Variants in PRKCH observed in about 807,000 individuals in gnomAD.
The protein encoded by PRKCH is protein kinase C eta type.
Under a neutral mutation model 82.5 loss-of-function variants are expected in PRKCH, and 28 were observed. The ratio of observed to expected loss-of-function variants is 0.34; its 90% confidence interval spans 0.25 to 0.47. The LOEUF (loss-of-function observed/expected upper bound fraction) is 0.47. PRKCH is among the 20% of genes least tolerant of loss of function. The pLI, the probability that PRKCH is intolerant of heterozygous loss-of-function variation, is 1.00. For missense variants in PRKCH, 705 were observed against 881.8 expected, an observed-to-expected ratio of 0.80 and a Z score of 2.54; for synonymous variants, 322 against 327.4, an observed-to-expected ratio of 0.98 and a Z score of 0.18.
rs1306818235 is a variant in PRKCH at position 61,187,951 on chromosome 14, A to G, written c.-19+283A>G. Among the ~76,000 whole-genome samples, 6 of 152,176 alleles carry G rather than the reference A, an allele frequency of 3.9e-5. No individual in the cohort carries two copies. In the East Asian group the frequency reaches 1.2e-3, roughly 29 times the overall value. On this transcript the variant is annotated intron_variant, in intron 1 of 3. Coordinates refer to the PRKCH transcript ENST00000555185. ...ACTTAATAAATTATCCAATCAGTTC[A>G]TGAATACTACAAACTAAAAACAGGG...
At chr14:61,398,221 C>T (rs1261706765) in intron 2 of PRKCH, among the ~76,000 whole-genome samples, 1 of 152,142 alleles carries the variant, frequency 6.6e-6, no homozygotes, top group Non-Finnish European at 1.5e-5. Context: ...TTTAATGCAG[C>T]CTTCAGATTC....
chr14:61,317,582 G>A (rs972276478), upstream of PRKCH, among the ~76,000 whole-genome samples: 2 of 152,146 alleles, frequency 1.3e-5, no homozygotes, highest in Non-Finnish European at 2.9e-5. Flanking sequence ...CCCATGTGGC[G>A]TTCTTTAGTC....
At chr14:61,315,936 T>G (rs944576014) in intron 1 of PRKCH, among the ~76,000 whole-genome samples, 8 of 151,898 alleles carry the variant, frequency 5.3e-5, no homozygotes, top group African/African-American at 1.9e-4. Context: ...TTAGTAGAGA[T>G]GGGGTTTCAT....
Position 61,453,315 on chromosome 14 carries a change from G to C in PRKCH, c.922G>C (p.Gly308Arg). The change falls in exon 7 of 14, where the codon GGG (glycine) becomes CGG (arginine). Residue 308 changes from glycine (G) to arginine (R), a missense_variant. By Grantham distance (125) the Gly-to-Arg change is moderately radical. This residue lies in a region of PRKCH where 238 missense variants were observed against 258.1 expected (regional missense o/e 0.92). Coordinates refer to ENST00000332981, the MANE Select transcript of PRKCH (RefSeq NM_006255.5). ...NAVELAKTLA[G>R]MGLQPGNISP... ...GGTGGAACTTGCCAAGACCCTGGCA[G>C]GGATGGGTCTCCAACCCGGAAATAT... is the stretch of plus-strand genomic sequence containing the variant. 6.2e-7 allele frequency: 1 copy of C among 1,614,064 alleles called. No individual in the cohort carries two copies. Among genetic ancestry groups the C allele is most frequent in the Admixed American group, 1.7e-5 (1 of 60,016 alleles).
chr14:61,239,800 A>G (rs1262372587), intron 1 of PRKCH, among the ~76,000 whole-genome samples: 4 of 152,170 alleles, frequency 2.6e-5, no homozygotes, highest in Non-Finnish European at 5.9e-5. Context: ...TAGTCCTGGC[A>G]TAATTTTTTC....
At chr14:61,318,051 C>G (rs1223087126), upstream of PRKCH, among the ~76,000 whole-genome samples, 1 of 150,896 alleles carries the variant, frequency 6.6e-6, no homozygotes, top group Admixed American at 6.6e-5. Context: ...AACTCTTTAT[C>G]CCTGCCCCAA....
At chr14:61,198,986 G>A (rs548097206) in intron 1 of PRKCH, among the ~76,000 whole-genome samples, 22 of 152,140 alleles carry the variant, frequency 1.4e-4, no homozygotes, top group Non-Finnish European at 2.9e-4. Flanking sequence ...CAAGGCTGAG[G>A]GATGGGGGAA....
At chr14:61,284,445 C>A (rs1048922528) in intron 1 of PRKCH, among the ~76,000 whole-genome samples, 5 of 151,952 alleles carry the variant, frequency 3.3e-5, no homozygotes, top group African/African-American at 9.7e-5. Flanking sequence ...TGGCAGGTGC[C>A]GTGAAAGCTG....
At chr14:61,488,322 GTCAA>G (rs894467352) in intron 10 of PRKCH, among the ~76,000 whole-genome samples, 12 of 152,274 alleles carry the variant, frequency 7.9e-5, no homozygotes, top group Middle Eastern at 3.4e-3. Context: ...GACCCTGAGT[GTCAA>G]TCAATCAATA....
chr14:61,318,702 C>T (rs1290097757), upstream of PRKCH, among the ~76,000 whole-genome samples: 1 of 151,944 alleles, frequency 6.6e-6, no homozygotes, highest in Non-Finnish European at 1.5e-5. Context: ...GAGTCCTGGC[C>T]ACCATCTTCT....
intron 1 of PRKCH, among the ~76,000 whole-genome samples, chr14:61,251,698 C>T (rs1177152214): frequency 2.6e-5 from 4 of 152,190 alleles, no homozygotes; most frequent in African/African-American, 9.7e-5. Flanking sequence ...TACTGATTTC[C>T]TTTCCTTTGG....
intron 1 of PRKCH, among the ~76,000 whole-genome samples, chr14:61,272,827 A>G (rs2045170026): frequency 6.6e-6 from 1 of 152,176 alleles, no homozygotes; most frequent in South Asian, 2.1e-4. Flanking sequence ...CTTTGCTTTC[A>G]ACTATCAGAG....
intron 1 of PRKCH, among the ~76,000 whole-genome samples, chr14:61,383,521 A>C (rs2140189011): frequency 6.6e-6 from 1 of 152,264 alleles, no homozygotes; most frequent in African/African-American, 2.4e-5. Flanking sequence ...CGGAGGGATC[A>C]ATGTGAATAT....
chr14:61,196,463 C>A (rs1050378822), intron 1 of PRKCH, among the ~76,000 whole-genome samples: 2 of 152,156 alleles, frequency 1.3e-5, no homozygotes, highest in South Asian at 2.1e-4. Context: ...CAGCTCTCAT[C>A]TGAAGACGGC....
At chr14:61,192,451 G>A (rs1335931235) in intron 1 of PRKCH, among the ~76,000 whole-genome samples, 2 of 152,200 alleles carry the variant, frequency 1.3e-5, no homozygotes, top group South Asian at 2.1e-4. Context: ...CATATGATCT[G>A]TACTAGAATG....
At chr14:61,468,456 G>A (rs895963162) in intron 9 of PRKCH, among the ~76,000 whole-genome samples, 1 of 152,184 alleles carries the variant, frequency 6.6e-6, no homozygotes, top group Admixed American at 6.5e-5. Flanking sequence ...GACAAAATGT[G>A]CATAGGCCTT....
At chr14:61,251,358 C>T (rs999914098) in intron 1 of PRKCH, among the ~76,000 whole-genome samples, 1 of 152,144 alleles carries the variant, frequency 6.6e-6, no homozygotes, top group South Asian at 2.1e-4. Flanking sequence ...CTCCACTACC[C>T]TTCCCACCCT....
intron 1 of PRKCH, among the ~76,000 whole-genome samples, chr14:61,373,518 A>G (rs945899739): frequency 1.3e-5 from 2 of 151,946 alleles, no homozygotes; most frequent in African/African-American, 4.8e-5. Flanking sequence ...GAGCCAGACC[A>G]TATCATTCCG....
intron 9 of PRKCH, among the ~76,000 whole-genome samples, chr14:61,483,192 C>T (rs1162332289): frequency 6.6e-6 from 1 of 152,288 alleles, no homozygotes; most frequent in African/African-American, 2.4e-5. Context: ...CCTTACTATG[C>T]AGATGCAGCT....
Sources: allele counts gnomAD v4.1 joint callset (sites outside exome capture counted in the v4.1 genomes callset), GRCh38; gene constraint gnomAD v4.1.1; regional missense constraint gnomAD v4.1.1; transcripts MANE v1.5; gene names NCBI Gene and HGNC (gene_info 2026-07-23, HGNC 2026-07-21).